The following ARHGAP24 variants were observed in gnomAD, a reference collection of about 807,000 sequenced individuals.
The protein encoded by ARHGAP24 is rho GTPase-activating protein 24.
In ARHGAP24, 50 loss-of-function variants were observed where a neutral mutation model predicts 76.4. The ratio of observed to expected loss-of-function variants is 0.65; its 90% CI spans 0.52 to 0.83. The LOEUF (loss-of-function observed/expected upper bound fraction) is 0.83, where lower values mean the gene tolerates loss of function less well. ARHGAP24 is among the 40% of genes least tolerant of loss of function. The pLI is 0.00. For missense variants in ARHGAP24, 930 were observed against 914.2 expected (o/e 1.02, Z -0.22); for synonymous variants, 345 against 323.3 (o/e 1.07, Z -0.72).
intron 2 of ARHGAP24, among the ~76,000 whole-genome samples, chr4:85,692,099 G>A (rs193241440): frequency 2.4e-4 from 37 of 152,226 alleles, no homozygotes; most frequent in African/African-American, 8.2e-4. Context: ...TTAGTTTGGT[G>A]GGATATAAAA....
intron 2 of ARHGAP24, among the ~76,000 whole-genome samples, chr4:85,602,343 G>A (rs2109989053): frequency 6.6e-6 from 1 of 152,260 alleles, no homozygotes; most frequent in East Asian, 1.9e-4. Context: ...GCAGATTTGG[G>A]TGGCAGTTGA....
intron 3 of ARHGAP24, among the ~76,000 whole-genome samples, chr4:85,817,739 G>C (rs1387002358): frequency 2.6e-5 from 4 of 152,144 alleles, no homozygotes; most frequent in Non-Finnish European, 5.9e-5. Context: ...ACAAAAGGTT[G>C]GTCTTGTATC....
intron 1 of ARHGAP24, among the ~76,000 whole-genome samples, chr4:85,567,153 T>G (rs903730589): frequency 1.3e-5 from 2 of 152,168 alleles, no homozygotes; most frequent in Non-Finnish European, 1.5e-5. Flanking sequence ...GCCAACAACA[T>G]TTTCAGATGT....
At chr4:85,719,745 A>G (rs1176072077) in intron 2 of ARHGAP24, among the ~76,000 whole-genome samples, 1 of 152,226 alleles carries the variant, frequency 6.6e-6, no homozygotes, top group Non-Finnish European at 1.5e-5. Context: ...CAAAACACAT[A>G]TTATTTTTCC....
intron 3 of ARHGAP24, among the ~76,000 whole-genome samples, chr4:85,913,017 A>C (rs1735173035): frequency 6.6e-6 from 1 of 151,862 alleles, no homozygotes; most frequent in Non-Finnish European, 1.5e-5. Context: ...GAGTCTTTAA[A>C]CCTCATCTCT....
chr4:85,511,841 C>T (rs539546298), intron 1 of ARHGAP24, among the ~76,000 whole-genome samples: 1 of 152,146 alleles, frequency 6.6e-6, no homozygotes, highest in South Asian at 2.1e-4. Flanking sequence ...CCCTCTGAAG[C>T]CTGTGGGGGA....
chr4:85,605,019 A>T (rs1460624146), intron 2 of ARHGAP24, among the ~76,000 whole-genome samples: 1 of 152,020 alleles, frequency 6.6e-6, no homozygotes, highest in East Asian at 1.9e-4. Flanking sequence ...TTAGAATGTT[A>T]ATTGTACTTA....
At chr4:85,737,931 A>G (rs1443261433) in intron 3 of ARHGAP24, among the ~76,000 whole-genome samples, 1 of 152,154 alleles carries the variant, frequency 6.6e-6, no homozygotes, top group Non-Finnish European at 1.5e-5. Flanking sequence ...AAGTAGGAAT[A>G]CCACTGCCAT....
chr4:85,861,236 C>CAAT (rs902587260), intron 3 of ARHGAP24, among the ~76,000 whole-genome samples: 1 of 152,088 alleles, frequency 6.6e-6, no homozygotes, highest in African/African-American at 2.4e-5. Flanking sequence ...TTTTTCCTAT[C>CAAT]ACTGGTTTAG....
rs190394203 is a variant in ARHGAP24, at chr4:85,622,711, C to A, written c.180+51990C>A. Reference sequence around the variant, plus strand: ...TGGTTGAACTAGTTTACAGTCCCAACAACAGTGTAAAAGTGTTCCTATTTC... The same window carrying A: ...TGGTTGAACTAGTTTACAGTCCCAAAAACAGTGTAAAAGTGTTCCTATTTC... On this transcript the variant is annotated intron_variant, in intron 2 of 9. Transcript: ENST00000395184. 7.1e-3 allele frequency among the ~76,000 whole-genome samples: 1,076 copies of A among 152,312 alleles called. 15 individuals carry two copies. The highest frequency in any genetic ancestry group is 0.024 in the African/African-American group (1,002 of 41,554).
rs1175756778 is a variant in ARHGAP24, at chr4:85,670,819, T to A, written c.181-51066T>A. Among the ~76,000 whole-genome samples the A allele has an allele frequency of 3.3e-5, 5 of 152,162 alleles. No individual in the cohort carries two copies. In the South Asian group the frequency reaches 1.0e-3, roughly 31 times the overall value. On this transcript the variant is annotated intron_variant, in intron 2 of 9. Transcript: ENST00000395184. ...AACTAATAGTCAAGCTGATCATGGG[T>A]TTCCCATGTTTAGAATACTTCAGTG...
intron 2 of ARHGAP24, among the ~76,000 whole-genome samples, chr4:85,645,931 C>T (rs958420739): frequency 6.6e-6 from 1 of 151,926 alleles, no homozygotes; most frequent in Non-Finnish European, 1.5e-5. Context: ...TGTATCAAAT[C>T]ATAGATGTTA....
chr4:85,911,264 G>A (rs969392247), intron 3 of ARHGAP24, among the ~76,000 whole-genome samples: 26 of 152,140 alleles, frequency 1.7e-4, no homozygotes, highest in African/African-American at 6.3e-4. Flanking sequence ...CACTTGTACC[G>A]GGCTCCACTT....
rs868112185 is a variant in ARHGAP24, at chr4:86,001,386, A to G, written c.*664A>G. On this transcript the variant is annotated 3_prime_UTR_variant, in exon 10 of 10. Transcript: ENST00000395184. ...TTGCTTTTGCGAGGCGATTTGACAT[A>G]GGAACTTTGAGACTCCATGAGAAAG... 1.3e-5 allele frequency: 5 copies of G among 398,956 alleles called. No homozygotes were observed. The Middle Eastern group carries it at 3.1e-3, about 248-fold the overall frequency. 24.7% of individuals were successfully genotyped at this position (398,956 alleles called of 1,614,324 possible). A position where few individuals can be genotyped will look rare whatever the true frequency, so the allele number is the denominator to read the frequency against.
At chr4:85,675,934 GT>G (rs1305816783) in intron 2 of ARHGAP24, among the ~76,000 whole-genome samples, 2 of 152,194 alleles carry the variant, frequency 1.3e-5, no homozygotes, top group East Asian at 1.9e-4. Flanking sequence ...AGCAACTGAA[GT>G]GACATCCTGT....
chr4:85,810,250 T>C (rs1728954512), intron 3 of ARHGAP24, among the ~76,000 whole-genome samples: 1 of 152,204 alleles, frequency 6.6e-6, no homozygotes, highest in African/African-American at 2.4e-5. Flanking sequence ...CTTTGAGAAA[T>C]GTCCTTAACC....
chr4:85,877,737 T>A (rs1188716233), intron 3 of ARHGAP24, among the ~76,000 whole-genome samples: 2 of 152,150 alleles, frequency 1.3e-5, no homozygotes, highest in Non-Finnish European at 2.9e-5. Context: ...AATAAAGACC[T>A]ATGCTAGTAT....
chr4:85,751,896 A>G (rs1240290590), intron 3 of ARHGAP24, among the ~76,000 whole-genome samples: 2 of 152,214 alleles, frequency 1.3e-5, no homozygotes, highest in Non-Finnish European at 2.9e-5. Flanking sequence ...TACAGATACT[A>G]CCTTAAAAAA....
chr4:85,716,969 C>T (rs897478260), intron 2 of ARHGAP24, among the ~76,000 whole-genome samples: 1 of 152,060 alleles, frequency 6.6e-6, no homozygotes, highest in African/African-American at 2.4e-5. Context: ...CTAACCTAAC[C>T]TGAAGCCAGA....
Sources: gnomAD v4.1 joint callset for allele counts (sites outside exome capture counted in the v4.1 genomes callset) on GRCh38, gnomAD v4.1.1 for gene constraint, MANE v1.5 for transcripts, NCBI Gene and HGNC (gene_info 2026-07-23, HGNC 2026-07-21) for gene names.